GPSM1: variants seen among roughly 807,000 people sequenced by gnomAD.
GPSM1 encodes the protein G protein signaling modulator 1.
In GPSM1, 48 loss-of-function variants were observed where a neutral mutation model predicts 70.5. The ratio of observed to expected loss-of-function variants is 0.68; its 90% confidence interval spans 0.54 to 0.87. The LOEUF (loss-of-function observed/expected upper bound fraction) is 0.87, where lower values mean the gene tolerates loss of function less well. GPSM1 is among the 40% of genes least tolerant of loss of function. The pLI is 0.00. For missense variants in GPSM1, 981 were observed against 972.6 expected, an observed-to-expected ratio of 1.01 and a Z score of -0.11; for synonymous variants, 416 against 430.1, an observed-to-expected ratio of 0.97 and a Z score of 0.41.
Position 136,349,709 on chromosome 9 carries a change from G to A in GPSM1, c.1401G>A (p.Glu467=). The change falls in exon 11 of 14, where the codon GAG becomes GAA. Residue 467 remains glutamate, a synonymous_variant. Coordinates refer to ENST00000440944, the MANE Select transcript of GPSM1 (RefSeq NM_001145638.3). ...EGPDAERRPR[E]GSHSPLDSAD... is the part of the protein sequence containing the mutation. ...CGGACGCTGAGAGGAGGCCCCGGGA[G>A]GGCAGCCACTCCCCGCTGGACAGCG... is the stretch of plus-strand genomic sequence containing the variant. 1 of 1,572,110 alleles carries A rather than the reference G, an allele frequency of 6.4e-7. No homozygotes were observed. Among genetic ancestry groups the A allele is most frequent in the Non-Finnish European group, 8.6e-7 (1 of 1,159,674 alleles).
At position 136,336,904 on chromosome 9, in the gene GPSM1, C is replaced by T. The variant is rs1554769316; in HGVS notation, c.427-17C>T. 16 of 1,549,480 alleles carry T rather than the reference C, an allele frequency of 1.0e-5. No homozygotes were observed. Among genetic ancestry groups the T allele is most frequent in the Admixed American group, 2.0e-5 (1 of 51,122 alleles). On this transcript the variant is annotated splice_polypyrimidine_tract_variant and intron_variant, in intron 3 of 13. Coordinates refer to ENST00000440944, the MANE Select transcript of GPSM1 (RefSeq NM_001145638.3). ...GGGCCGTGGAGGCATGCCCCCAACC[C>T]TCCGTACTGCCCACAGGTTGGGGAG... is the stretch of plus-strand genomic sequence containing the variant.
intron 9 of GPSM1, among the ~76,000 whole-genome samples, chr9:136,345,536 G>T (rs577977009): frequency 6.6e-6 from 1 of 152,230 alleles, no homozygotes; most frequent in Non-Finnish European, 1.5e-5. Flanking sequence ...CATTTCAGCC[G>T]CTGCTGCAGC....
Position 136,356,356 on chromosome 9 carries a change from A to G in GPSM1, c.1627A>G (p.Thr543Ala). 1 of 1,591,220 alleles carries G rather than the reference A, an allele frequency of 6.3e-7. No individual in the cohort carries two copies. The highest frequency in any genetic ancestry group is 8.6e-7 in the Non-Finnish European group (1 of 1,166,946). The part of the protein sequence containing the change: ...LEDRIAQPSM[T>A]ASPQTEEFFD... ...GCCCCCCGCAGCCCAGCCCTCGATG[A>G]CGGCCTCGCCCCAGACCGAGGAATT... The change falls in exon 13 of 14, where the codon ACG (threonine) becomes GCG (alanine). Residue 543 changes from threonine (T) to alanine (A), a missense_variant. By Grantham distance (58) the Thr-to-Ala change is moderately conservative. Coordinates refer to ENST00000440944, the MANE Select transcript of GPSM1 (RefSeq NM_001145638.3).
chr9:136,337,111 C>G (rs1554769391), intron 4 of GPSM1, 39 bp downstream of exon 4: 1 of 1,506,334 alleles, frequency 6.6e-7, no homozygotes, highest in African/African-American at 1.4e-5. Flanking sequence ...CGGGGCTGGC[C>G]TGTGCGTTTC....
intron 11 of GPSM1, among the ~76,000 whole-genome samples, chr9:136,352,452 C>T (rs1554772306): frequency 6.6e-6 from 1 of 152,218 alleles, no homozygotes; most frequent in Non-Finnish European, 1.5e-5. Flanking sequence ...TCTGGGGGTC[C>T]AGAGAACTCA....
Position 136,341,685 on chromosome 9 carries a change from C to T in GPSM1, c.1207+692C>T. On this transcript the variant is annotated intron_variant, in intron 9 of 13. Coordinates refer to ENST00000440944, the MANE Select transcript of GPSM1 (RefSeq NM_001145638.3). This position sits in a 1 kb window ranked among gnomAD's most constrained non-coding sequence, Gnocchi z 6.7. ...CTCCCAAAGGTCTTGAGTTTGCCAG[C>T]CCCCGAGAAGGGATGCCTGCCTCCC... 1.0e-6 allele frequency: 1 copy of T among 993,120 alleles called. No homozygotes were observed. Among genetic ancestry groups the T allele is most frequent in the Non-Finnish European group, 1.2e-6 (1 of 834,062 alleles). 61.5% of individuals were successfully genotyped at this position (993,120 alleles called of 1,614,324 possible).
At chr9:136,339,882 T>C (rs1342357508) in intron 8 of GPSM1, 67 bp downstream of exon 8, 10 of 1,021,242 alleles carry the variant, frequency 9.8e-6, no homozygotes, top group Admixed American at 2.0e-5. Flanking sequence ...CCGGGTCCCC[T>C]CTGCCCCGAG....
intron 9 of GPSM1, among the ~76,000 whole-genome samples, chr9:136,347,430 G>T (rs1182689380): frequency 6.6e-6 from 1 of 152,118 alleles, no homozygotes; most frequent in Non-Finnish European, 1.5e-5. Context: ...GCATAGGGGG[G>T]TGGGAGCTGT....
rs1369838582 is a variant in GPSM1 at position 136,355,841 on chromosome 9, G to C, written c.1607G>C (p.Arg536Thr). The change falls in exon 12 of 14, where the codon AGG becomes ACG. Residue 536 changes from arginine (R) to threonine (T), a missense_variant. Transcript: ENST00000440944. ...EATAAPTLED[R>T]IAQPSMTASP... is the part of the protein sequence containing the mutation. ...ACGGCCGCCCCCACCCTGGAGGACAGGATCGGTGAGTGCCCCCCTCAGCCG... is the reference window on the plus strand; with the variant it reads ...ACGGCCGCCCCCACCCTGGAGGACACGATCGGTGAGTGCCCCCCTCAGCCG... 3 of 1,606,810 alleles carry C rather than the reference G, an allele frequency of 1.9e-6. No individual in the cohort carries two copies. The Admixed American group carries it at 5.1e-5, about 27-fold the overall frequency.
At chr9:136,336,525 C>G (rs537251971) in intron 3 of GPSM1, among the ~76,000 whole-genome samples, 1 of 152,322 alleles carries the variant, frequency 6.6e-6, no homozygotes, top group African/African-American at 2.4e-5. Flanking sequence ...CTTTGCTGAC[C>G]TCCCTCCATG....
At chr9:136,333,917 G>A (rs181639781) in intron 1 of GPSM1, among the ~76,000 whole-genome samples, 1 of 152,114 alleles carries the variant, frequency 6.6e-6, no homozygotes, top group Non-Finnish European at 1.5e-5. Flanking sequence ...GCTTGGGGGT[G>A]GGGGAGGAGC....
chr9:136,339,595 T>G, intron 7 of GPSM1, 112 bp from the exon 8 acceptor site: 1 of 726,048 alleles, frequency 1.4e-6, no homozygotes, highest in Non-Finnish European at 2.4e-6. Flanking sequence ...TGGGGGCCCC[T>G]GATGACCCTC....
At chr9:136,357,062 CG>C (rs1471534297) in intron 13 of GPSM1, among the ~76,000 whole-genome samples, 1 of 152,186 alleles carries the variant, frequency 6.6e-6, no homozygotes, top group African/African-American at 2.4e-5. Flanking sequence ...GAGCCAGGGC[CG>C]GGGCTCCAGC....
At chr9:136,348,898 C>T (rs1260838004) in intron 10 of GPSM1, 131 bp downstream of exon 10, 3 of 681,434 alleles carry the variant, frequency 4.4e-6, no homozygotes, top group Non-Finnish European at 7.6e-6. Flanking sequence ...CCTCCTCGGC[C>T]TGATGCCCTG....
intron 3 of GPSM1, 39 bp from the exon 4 acceptor site, chr9:136,336,882 C>G (rs371471452): frequency 3.3e-6 from 5 of 1,530,568 alleles, no homozygotes; most frequent in Non-Finnish European, 4.4e-6. Flanking sequence ...GTGTGGGGGG[C>G]CGTGGAGGCA....
In GPSM1 at chr9:136,349,712, C is replaced by T; in HGVS notation, c.1404C>T (p.Gly468=). 6.4e-7 allele frequency: 1 copy of T among 1,572,928 alleles called. No individual in the cohort carries two copies. Among genetic ancestry groups the T allele is most frequent in the South Asian group, 1.2e-5 (1 of 85,710 alleles). ...GPDAERRPRE[G]SHSPLDSADV... ...ACGCTGAGAGGAGGCCCCGGGAGGGCAGCCACTCCCCGCTGGACAGCGCCG... is the reference window on the plus strand; with the variant it reads ...ACGCTGAGAGGAGGCCCCGGGAGGGTAGCCACTCCCCGCTGGACAGCGCCG... Residue 468 remains glycine, a synonymous_variant, in exon 11 of 14, where the codon GGC becomes GGT. Transcript: ENST00000440944.
intron 11 of GPSM1, among the ~76,000 whole-genome samples, chr9:136,352,695 C>T (rs969391513): frequency 1.3e-4 from 20 of 152,216 alleles, no homozygotes; most frequent in African/African-American, 4.8e-4. Flanking sequence ...TCTGCGCCTG[C>T]CTCCGTAGTC....
At chr9:136,356,171 A>T (rs1011946778) in intron 12 of GPSM1, among the ~76,000 whole-genome samples, 171 bp from the exon 13 acceptor site, 3 of 151,946 alleles carry the variant, frequency 2.0e-5, no homozygotes, top group East Asian at 2.0e-4. Context: ...CAGCAGGGGG[A>T]GCAGCTGAGA....
intron 3 of GPSM1, among the ~76,000 whole-genome samples, chr9:136,336,406 G>A (rs782440565): frequency 1.3e-5 from 2 of 152,200 alleles, no homozygotes; most frequent in Non-Finnish European, 2.9e-5. Flanking sequence ...GGGGCCCAGC[G>A]GGAGGCAGGG....
Sources: allele counts gnomAD v4.1 joint callset (sites outside exome capture counted in the v4.1 genomes callset), GRCh38; gene constraint gnomAD v4.1.1; non-coding constraint Gnocchi (gnomAD v3.1); transcripts MANE v1.5; gene names NCBI Gene and HGNC (gene_info 2026-07-23, HGNC 2026-07-21).